Variants in PSTPIP1 observed in about 807,000 individuals in gnomAD.
PSTPIP1 encodes the protein proline-serine-threonine phosphatase-interacting protein 1.
Under a neutral mutation model 69.6 loss-of-function variants are expected in PSTPIP1, and 66 were observed. The observed-to-expected ratio is 0.95, with a 90% CI of 0.78 to 1.16. The LOEUF is 1.16. Among genes scored for constraint, PSTPIP1 ranks in the 50% most tolerant of loss-of-function variants. PSTPIP1 has a pLI of 0.00. For synonymous variants in PSTPIP1, 266 were observed against 222.7 expected (o/e 1.19, Z -1.73); for missense variants, 603 against 557.4 (o/e 1.08, Z -0.82).
At chr15:77,033,011 C>T (rs928551320) in intron 12 of PSTPIP1, 59 bp downstream of exon 12, 12 of 1,496,384 alleles carry the variant, frequency 8.0e-6, no homozygotes, top group South Asian at 2.4e-5. Flanking sequence ...GGGTCGAGCC[C>T]CTCCTCTGCA....
At chr15:77,035,672 T>A in intron 13 of PSTPIP1, 109 bp downstream of exon 13, 17 of 1,473,882 alleles carry the variant, frequency 1.2e-5, no homozygotes, top group Non-Finnish European at 1.6e-5. Flanking sequence ...GAAGTGTGTG[T>A]CCCCCAACAG....
chr15:77,021,678 T>TA (rs945461978), intron 3 of PSTPIP1, among the ~76,000 whole-genome samples: 3 of 151,376 alleles, frequency 2.0e-5, no homozygotes, highest in Non-Finnish European at 3.0e-5. Flanking sequence ...GACTCCATCT[T>TA]AAAAAAAAAG....
At chr15:77,014,132 G>A (rs1212756096) in intron 1 of PSTPIP1, among the ~76,000 whole-genome samples, 3 of 152,134 alleles carry the variant, frequency 2.0e-5, no homozygotes, top group African/African-American at 7.2e-5. Context: ...ATCGTGGCTT[G>A]GGATATCTGG....
At chr15:77,026,163 A>G (rs1289927417) in intron 5 of PSTPIP1, 1 of 455,954 alleles carries the variant, frequency 2.2e-6, no homozygotes, top group Non-Finnish European at 4.4e-6. Context: ...TGAAGTCCCC[A>G]TCATGGGAGG....
At chr15:76,997,858 G>T (rs1056151182) in intron 1 of PSTPIP1, among the ~76,000 whole-genome samples, 2 of 152,244 alleles carry the variant, frequency 1.3e-5, no homozygotes, top group Non-Finnish European at 2.9e-5. Context: ...AGCCCAGCCA[G>T]CTTGGCCCAT....
rs533419248 is a variant in PSTPIP1 at position 77,004,306 on chromosome 15, C to T, written c.36+8697C>T. ...ATGGGTGATGGAACAGGCAGGAGAG[C>T]GACAGCTCCTTCCACTGGTGTTGAC... On this transcript the variant is annotated intron_variant, in intron 1 of 14. Transcript: ENST00000558012. Among the ~76,000 whole-genome samples the T allele has an allele frequency of 6.6e-5, 10 of 152,310 alleles. No homozygotes were observed. In the South Asian group the frequency reaches 8.3e-4, roughly 13 times the overall value.
At position 77,027,712 on chromosome 15, in the gene PSTPIP1, G is replaced by C. The variant is rs1441545872; in HGVS notation, c.355-140G>C. ...GGTCACTGTGAAGCAGCAGGCTCTGGGGGAGGGAGGGCAGCCTGTCACCCT... is the reference window on the plus strand; with the variant it reads ...GGTCACTGTGAAGCAGCAGGCTCTGCGGGAGGGAGGGCAGCCTGTCACCCT... On this transcript the variant is annotated intron_variant, in intron 5 of 14. Coordinates refer to ENST00000558012, the MANE Select transcript of PSTPIP1 (RefSeq NM_003978.5). This position sits in a 1 kb window ranked among gnomAD's most constrained non-coding sequence, Gnocchi z 4.3. The C allele has an allele frequency of 1.1e-6, 1 of 927,582 alleles. No homozygotes were observed. Among genetic ancestry groups the C allele is most frequent in the African/African-American group, 1.6e-5 (1 of 60,728 alleles). 57.5% of individuals were successfully genotyped at this position (927,582 alleles called of 1,614,324 possible).
At chr15:77,011,795 G>A (rs1328238147) in intron 1 of PSTPIP1, among the ~76,000 whole-genome samples, 5 of 152,110 alleles carry the variant, frequency 3.3e-5, no homozygotes, top group Non-Finnish European at 7.4e-5. Context: ...CTTACAGACT[G>A]TAGTGATGGG....
rs1391544686 is a variant in PSTPIP1 at position 77,036,905 on chromosome 15, CTG to C, written c.1120-136_1120-135del. 14 of 1,135,098 alleles carry C rather than the reference CTG, an allele frequency of 1.2e-5. No homozygotes were observed. The East Asian group carries it at 3.6e-4, about 29-fold the overall frequency. The allele number at this position is 1,135,098 out of a possible 1,614,324, so 70.3% of individuals were successfully genotyped here. On this transcript the variant is annotated intron_variant, in intron 14 of 14. Coordinates refer to ENST00000558012, the MANE Select transcript of PSTPIP1 (RefSeq NM_003978.5). ...CCCGGTCCGTTGGGTTACCCCCATC[CTG>C]TGTCCCCAAGGGGCTGCCCCTGCCC...
intron 1 of PSTPIP1, among the ~76,000 whole-genome samples, chr15:77,005,022 A>G (rs1051516133): frequency 1.3e-5 from 2 of 152,294 alleles, no homozygotes; most frequent in Non-Finnish European, 2.9e-5. Context: ...GTATTTTTCA[A>G]AGTTCCCCAG....
chr15:77,000,045 G>A (rs548043559), intron 1 of PSTPIP1, among the ~76,000 whole-genome samples: 1 of 152,336 alleles, frequency 6.6e-6, no homozygotes, highest in East Asian at 1.9e-4. Flanking sequence ...GGGACAATAG[G>A]CCTGAACTTT....
Position 77,028,001 on chromosome 15 carries a change from G to A in PSTPIP1, c.417+87G>A. The A allele has an allele frequency of 4.0e-6, 5 of 1,258,150 alleles. No individual in the cohort carries two copies. The South Asian group carries it at 6.5e-5, about 16-fold the overall frequency. 77.9% of individuals were successfully genotyped at this position (1,258,150 alleles called of 1,614,324 possible). On this transcript the variant is annotated intron_variant, in intron 6 of 14. Coordinates refer to ENST00000558012, the MANE Select transcript of PSTPIP1 (RefSeq NM_003978.5). ...GATCCTGGGCTGTGGCCCCGGGCAG[G>A]GCATTTGGAACAGGCTGACCTCAGC...
intron 9 of PSTPIP1, among the ~76,000 whole-genome samples, 194 bp from the exon 10 acceptor site, chr15:77,030,986 C>T (rs781377793): frequency 5.3e-5 from 8 of 152,220 alleles, no homozygotes; most frequent in African/African-American, 9.7e-5. Flanking sequence ...CCCTGGGCAT[C>T]TCCACCTCCC....
At chr15:77,037,018 G>C (rs766351379) in intron 14 of PSTPIP1, 27 bp from the exon 15 acceptor site, 2 of 1,609,178 alleles carry the variant, frequency 1.2e-6, no homozygotes, top group African/African-American at 1.3e-5. Context: ...CCCTTCCAAC[G>C]TCATGCGCTT....
chr15:77,031,191 G>GC lies in PSTPIP1; in HGVS notation c.655dup (p.Gln219ProfsTer4), dbSNP rs1269574787. 1 of 1,612,514 alleles carries GC rather than the reference G, an allele frequency of 6.2e-7. No individual in the cohort carries two copies. The highest frequency in any genetic ancestry group is 1.7e-5 in the Admixed American group (1 of 59,982). ...CCCACTGCCCCCAGGCCTTTCAGCTGCAAGAGTTTGACCGGCTGACCATTC... is the reference window on the plus strand; with the variant it reads ...CCCACTGCCCCCAGGCCTTTCAGCTGCCAAGAGTTTGACCGGCTGACCATTC... On this transcript the variant is annotated frameshift_variant, in exon 10 of 15. Transcript: ENST00000558012. LOFTEE classifies it high-confidence loss of function.
At chr15:77,024,769 C>T (rs1190199439) in intron 3 of PSTPIP1, among the ~76,000 whole-genome samples, 2 of 148,732 alleles carry the variant, frequency 1.3e-5, no homozygotes, top group Admixed American at 6.8e-5. Flanking sequence ...AGACAGTGCC[C>T]ACCTCTCAAC....
intron 1 of PSTPIP1, among the ~76,000 whole-genome samples, chr15:77,004,177 G>A (rs1187265577): frequency 3.3e-5 from 5 of 152,224 alleles, no homozygotes; most frequent in Admixed American, 1.3e-4. Context: ...CAGATGGATC[G>A]GACTGGGCTG....
intron 1 of PSTPIP1, among the ~76,000 whole-genome samples, chr15:77,017,904 C>A (rs940810796): frequency 6.6e-6 from 1 of 152,194 alleles, no homozygotes; most frequent in African/African-American, 2.4e-5. Flanking sequence ...AGATGCCAGG[C>A]CCGGCACCCC....
At position 76,998,699 on chromosome 15, in the gene PSTPIP1, G is replaced by C. The variant is rs556346366; in HGVS notation, c.36+3090G>C. Among the ~76,000 whole-genome samples the C allele has an allele frequency of 3.1e-4, 47 of 152,352 alleles. 1 individual carries two copies. The East Asian group carries it at 5.4e-3, about 17-fold the overall frequency. On this transcript the variant is annotated intron_variant, in intron 1 of 14. Transcript: ENST00000558012. ...AGAAACAGTCTGAAAAGCAGCTGTA[G>C]TGGCACAGAAGTAGTGGGGACACTC...
Sources: allele counts gnomAD v4.1 joint callset (sites outside exome capture counted in the v4.1 genomes callset), GRCh38; gene constraint gnomAD v4.1.1; non-coding constraint Gnocchi (gnomAD v3.1); transcripts MANE v1.5; gene names NCBI Gene and HGNC (gene_info 2026-07-23, HGNC 2026-07-21).